RFT1: variants seen among roughly 807,000 people sequenced by gnomAD.
RFT1 encodes RFT1 glycolipid translocator homolog.
RFT1 carries 43 observed loss-of-function variants against 62.2 expected under a neutral mutation model. That is an observed-to-expected ratio of 0.69 (90% CI 0.54 to 0.89). The LOEUF is 0.89. Among genes scored for constraint, RFT1 ranks in the 40% least tolerant of loss-of-function variants. The probability of loss-of-function intolerance (pLI) is 0.00; values close to 1 mark genes in which losing one functional copy is unlikely to be tolerated. For missense variants in RFT1, 605 were observed against 649.9 expected, an observed-to-expected ratio of 0.93 and a Z score of 0.75; for synonymous variants, 262 against 264.6, an observed-to-expected ratio of 0.99 and a Z score of 0.10.
intron 1 of RFT1, among the ~76,000 whole-genome samples, chr3:53,127,263 A>T (rs1702133903): frequency 6.6e-6 from 1 of 152,100 alleles, no homozygotes; most frequent in Admixed American, 6.5e-5. Flanking sequence ...CTAAAAATAC[A>T]ATTCACCATT....
chr3:53,101,416 G>A (rs1413627064), intron 10 of RFT1, among the ~76,000 whole-genome samples: 2 of 152,194 alleles, frequency 1.3e-5, no homozygotes, highest in African/African-American at 4.8e-5. Flanking sequence ...GTAACTGAAC[G>A]CTAATGGCAC....
chr3:53,071,321 A>G, the RFT1 span, among the ~76,000 whole-genome samples: 2 of 152,200 alleles, frequency 1.3e-5, no homozygotes, highest in Non-Finnish European at 1.5e-5. Flanking sequence ...ACCGATCCCT[A>G]TGGTCACTGA....
At position 53,088,561 on chromosome 3, in the gene RFT1, A is replaced by G. The variant is rs886058708; in HGVS notation, c.*3342T>C. On this transcript the variant is annotated 3_prime_UTR_variant, in exon 13 of 13. Coordinates refer to ENST00000296292, the MANE Select transcript of RFT1 (RefSeq NM_052859.4). ...GTGAAACTAGCAACAGGAATGCATG[A>G]TTAAGGAAAAAAAATGGCTGGTCTG... The G allele has an allele frequency of 1.3e-5, 2 of 152,240 alleles. No individual in the cohort carries two copies. The highest frequency in any genetic ancestry group is 2.9e-5 in the Non-Finnish European group (2 of 68,062). 9.4% of individuals were successfully genotyped at this position (152,240 alleles called of 1,614,324 possible).
intron 10 of RFT1, chr3:53,103,285 C>A: frequency 3.0e-6 from 3 of 985,330 alleles, no homozygotes; most frequent in Non-Finnish European, 2.4e-6. Context: ...TTAAAAACAT[C>A]TTTGCTAAAC....
intron 6 of RFT1, among the ~76,000 whole-genome samples, chr3:53,119,157 T>G (rs1266916006): frequency 6.6e-6 from 1 of 151,130 alleles, no homozygotes; most frequent in African/African-American, 2.4e-5. Context: ...AAGGCTGTAG[T>G]GAGCTATGAT....
chr3:53,111,212 T>C (rs896755662), intron 7 of RFT1, among the ~76,000 whole-genome samples: 2 of 152,056 alleles, frequency 1.3e-5, no homozygotes, highest in Middle Eastern at 3.2e-3. Flanking sequence ...GAGACCATCC[T>C]GGCTAACACG....
intron 11 of RFT1, among the ~76,000 whole-genome samples, chr3:53,097,917 G>A (rs1701189413): frequency 1.3e-5 from 2 of 152,206 alleles, no homozygotes; most frequent in Admixed American, 1.3e-4. Flanking sequence ...ACTATCTGAG[G>A]TGAAAACCAC....
chr3:53,126,706 G>A (rs912929563), intron 1 of RFT1, among the ~76,000 whole-genome samples: 1 of 152,168 alleles, frequency 6.6e-6, no homozygotes, highest in Admixed American at 6.5e-5. Context: ...TTTCCAATCT[G>A]TCAATTCAAG....
At chr3:53,118,586 A>T (rs1440085595) in intron 6 of RFT1, among the ~76,000 whole-genome samples, 1 of 152,162 alleles carries the variant, frequency 6.6e-6, no homozygotes, top group Non-Finnish European at 1.5e-5. Context: ...CAAGTATCAC[A>T]AGAGGAATAA....
the RFT1 span, among the ~76,000 whole-genome samples, chr3:53,071,522 C>T: frequency 6.7e-3 from 1,016 of 152,298 alleles, 30 homozygotes; most frequent in Admixed American, 0.049. Flanking sequence ...AGGGGCCGAC[C>T]TGGGACATAG....
At position 53,099,472 on chromosome 3, in the gene RFT1, G is replaced by A. The variant is rs375524916; in HGVS notation, c.1117C>T (p.Arg373Cys). 3.2e-5 allele frequency: 51 copies of A among 1,613,642 alleles called. No individual in the cohort carries two copies. Among genetic ancestry groups the A allele is most frequent in the East Asian group, 8.9e-5 (4 of 44,880 alleles). ...AGGAGAACATAGAGACAGTAGGAAC[G>A]CAGCAAAACAGGACCTACAAGGAAA... ...LSSGSGPVLLRSYCLYVLLLA... is the reference protein window; with the variant it reads ...LSSGSGPVLLCSYCLYVLLLA... The change falls in exon 11 of 13, where the codon CGT becomes TGT. Residue 373 changes from arginine to cysteine, a missense_variant. Coordinates refer to ENST00000296292, the MANE Select transcript of RFT1 (RefSeq NM_052859.4).
chr3:53,083,823 C>T (rs566445615), downstream of RFT1, among the ~76,000 whole-genome samples: 10 of 152,352 alleles, frequency 6.6e-5, no homozygotes, highest in South Asian at 2.1e-4. Context: ...TGCACATCTG[C>T]GAGAACATTC....
the RFT1 span, among the ~76,000 whole-genome samples, chr3:53,078,417 A>G: frequency 1.4e-4 from 21 of 152,360 alleles, no homozygotes; most frequent in Non-Finnish European, 2.5e-4. Flanking sequence ...ATCAGGAGAT[A>G]AAATCACTTA....
At chr3:53,080,123 C>T in the RFT1 span, among the ~76,000 whole-genome samples, 5 of 152,230 alleles carry the variant, frequency 3.3e-5, no homozygotes, top group African/African-American at 1.2e-4. Flanking sequence ...GACGCCAGGG[C>T]CCCATTTTCT....
intron 7 of RFT1, among the ~76,000 whole-genome samples, chr3:53,107,951 T>C (rs1701534217): frequency 6.6e-6 from 1 of 152,192 alleles, no homozygotes; most frequent in African/African-American, 2.4e-5. Context: ...GTGTTTGTGG[T>C]AGGGACCACT....
chr3:53,110,249 G>A (rs1182460558), intron 7 of RFT1, among the ~76,000 whole-genome samples: 3 of 152,128 alleles, frequency 2.0e-5, no homozygotes, highest in Non-Finnish European at 2.9e-5. Context: ...TCACTCCACC[G>A]ATTTTCCTGT....
chr3:53,123,681 A>G, intron 3 of RFT1, 43 bp downstream of exon 3: 2 of 1,461,302 alleles, frequency 1.4e-6, no homozygotes, highest in East Asian at 4.5e-5. Context: ...TGCTCACTAC[A>G]CCTGCCTTCC....
chr3:53,113,170 C>T (rs1001677276), intron 6 of RFT1, among the ~76,000 whole-genome samples: 1 of 152,092 alleles, frequency 6.6e-6, no homozygotes, highest in African/African-American at 2.4e-5. Flanking sequence ...TGTGTGCCAC[C>T]ATGCCTGGCT....
At chr3:53,092,251 G>T in intron 12 of RFT1, 118 bp downstream of exon 12, 8 of 1,456,706 alleles carry the variant, frequency 5.5e-6, no homozygotes, top group South Asian at 2.5e-5. Flanking sequence ...AGAAGATGCT[G>T]CCCTAGAGGC....
Sources: allele counts gnomAD v4.1 joint callset (sites outside exome capture counted in the v4.1 genomes callset), GRCh38; gene constraint gnomAD v4.1.1; transcripts MANE v1.5; gene names NCBI Gene and HGNC (gene_info 2026-07-23, HGNC 2026-07-21).